The following APC variants were observed in gnomAD, a reference collection of about 807,000 sequenced individuals.
APC encodes adenomatous polyposis coli protein.
APC carries 72 observed loss-of-function variants against 247.0 expected under a neutral mutation model. That is an observed-to-expected ratio of 0.29 (90% CI 0.24 to 0.35). The LOEUF is 0.35. Among genes scored for constraint, APC ranks in the 10% least tolerant of loss-of-function variants. APC has a pLI of 1.00. For missense variants in APC, 3,400 were observed against 3,360.7 expected (o/e 1.01, Z -0.29); for synonymous variants, 1,254 against 1,162.5 (o/e 1.08, Z -1.60).
chr5:112,752,644 G>A (rs940977745), intron 1 of APC, among the ~76,000 whole-genome samples: 2 of 152,086 alleles, frequency 1.3e-5, no homozygotes, highest in Admixed American at 1.3e-4. Context: ...AGATATATTT[G>A]GTATGCAATT....
chr5:112,834,884 A>G, intron 14 of APC, 67 bp from the exon 15 acceptor site: 1 of 1,364,884 alleles, frequency 7.3e-7, no homozygotes, highest in Non-Finnish European at 1.0e-6. Context: ...CAATATCAGT[A>G]ACATAGAAGT....
chr5:112,830,087 G>A (rs1399734136), intron 14 of APC: 4 of 152,100 alleles, frequency 2.6e-5, no homozygotes, highest in South Asian at 2.1e-4. Flanking sequence ...GAAGGCAAAA[G>A]GTTTGTTTTT....
chr5:112,720,157 A>G (rs945616771), intron 1 of APC, among the ~76,000 whole-genome samples: 56 of 152,220 alleles, frequency 3.7e-4, no homozygotes, highest in African/African-American at 1.3e-3. Context: ...TTTTTCCTGT[A>G]TAGATACTTG....
Position 112,785,654 on chromosome 5 carries a change from A to C in APC, c.645+4751A>C, listed in dbSNP as rs375253995. The stretch of plus-strand genomic sequence containing the variant: ...AATAGCACAGGAATAAATTTAGGCA[A>C]ATGATAGAGACTAGAAAGAGGTACA... On this transcript the variant is annotated intron_variant, in intron 6 of 15. Coordinates refer to ENST00000257430, the MANE Select transcript of APC (RefSeq NM_000038.6). 2.1e-3 allele frequency among the ~76,000 whole-genome samples: 327 copies of C among 152,330 alleles called. 1 individual carries two copies. The highest frequency in any genetic ancestry group is 3.9e-3 in the Non-Finnish European group (264 of 68,010).
rs1766919645 is a variant in APC at position 112,845,647 on chromosome 5, G to A, written c.*1521G>A. Reference sequence around the variant, plus strand: ...GCCTGTTAAGGAAACTTTATTTGTGGTAGGTACAGTTCTGGGGTACATGTT... The same window carrying A: ...GCCTGTTAAGGAAACTTTATTTGTGATAGGTACAGTTCTGGGGTACATGTT... On this transcript the variant is annotated 3_prime_UTR_variant, in exon 16 of 16. Transcript: ENST00000257430. The A allele has an allele frequency of 8.6e-6, 2 of 231,940 alleles. No individual in the cohort carries two copies. The highest frequency in any genetic ancestry group is 3.6e-4 in the South Asian group (2 of 5,516). The allele number at this position is 231,940 out of a possible 1,614,324, so 14.4% of individuals were successfully genotyped here.
chr5:112,789,085 A>G (rs1380396028), intron 6 of APC, among the ~76,000 whole-genome samples: 3 of 152,176 alleles, frequency 2.0e-5, no homozygotes, highest in Non-Finnish European at 4.4e-5. Flanking sequence ...CTTCTATTCT[A>G]ATTTGTGGAG....
chr5:112,730,066 A>G (rs1561411769), intron 1 of APC, among the ~76,000 whole-genome samples: 1 of 152,242 alleles, frequency 6.6e-6, no homozygotes, highest in Non-Finnish European at 1.5e-5. Context: ...TCCTGCATTT[A>G]AAGAAATTTT....
chr5:112,810,026 C>T, intron 8 of APC: 1 of 377,074 alleles, frequency 2.7e-6, no homozygotes, highest in South Asian at 2.0e-5. Flanking sequence ...GCAATTTTAG[C>T]TAACTGTAAA....
rs1554086747 is a variant in APC at position 112,841,068 on chromosome 5, A to G, written c.5474A>G (p.Asp1825Gly). 1.2e-6 allele frequency: 2 copies of G among 1,612,504 alleles called. No individual in the cohort carries two copies. The highest frequency in any genetic ancestry group is 1.1e-5 in the South Asian group (1 of 91,056). Residue 1825 changes from aspartate (D) to glycine (G), a missense_variant, in exon 16 of 16, where the codon GAT becomes GGT. Physicochemically the swap from Asp to Gly is moderately conservative, Grantham distance 94 (BLOSUM62 -1). Coordinates refer to ENST00000257430, the MANE Select transcript of APC (RefSeq NM_000038.6). This position sits in a 1 kb window ranked among gnomAD's most constrained non-coding sequence, Gnocchi z 4.6. The stretch of plus-strand genomic sequence containing the variant: ...AAAAATAATTCCAAGGTCTTCAATG[A>G]TAAGCTCCCAAATAATGAAGATAGA... ...NLKNNSKVFN[D>G]KLPNNEDRVR...
At position 112,839,476 on chromosome 5, in the gene APC, G is replaced by A; in HGVS notation, c.3882G>A (p.Gln1294=). The A allele has an allele frequency of 6.2e-7, 1 of 1,614,166 alleles. No homozygotes were observed. The highest frequency in any genetic ancestry group is 8.5e-7 in the Non-Finnish European group (1 of 1,180,016). Residue 1294 remains glutamine, a synonymous_variant, in exon 16 of 16, where the codon CAG becomes CAA. Transcript: ENST00000257430. This position sits in a 1 kb window ranked among gnomAD's most constrained non-coding sequence, Gnocchi z 5.0. The part of the protein sequence containing the change: ...EDEIGCNQTT[Q]EADSANTLQI... The stretch of plus-strand genomic sequence containing the variant: ...AAATAGGATGTAATCAGACGACACA[G>A]GAAGCAGATTCTGCTAATACCCTGC...
At position 112,724,798 on chromosome 5, in the gene APC, T is replaced by C. The variant is rs137940604; in HGVS notation, c.165+16916T>C. Among the ~76,000 whole-genome samples the C allele has an allele frequency of 2.6e-5, 4 of 152,138 alleles. No homozygotes were observed. The East Asian group carries it at 7.7e-4, about 29-fold the overall frequency. On this transcript the variant is annotated intron_variant, in intron 1 of 13. Transcript: ENST00000507379. Reference sequence around the variant, plus strand: ...CACAGAATTCCAAATGGTTGGAGTGTAGCTAGAGTAGGTGAGTGGCGGTGG... The same window carrying C: ...CACAGAATTCCAAATGGTTGGAGTGCAGCTAGAGTAGGTGAGTGGCGGTGG...
intron 1 of APC, among the ~76,000 whole-genome samples, chr5:112,741,002 G>C (rs1752949683): frequency 6.6e-6 from 1 of 151,802 alleles, no homozygotes; most frequent in African/African-American, 2.4e-5. Context: ...CCCTTTTCTT[G>C]TATTAGAATC....
chr5:112,844,777 C>A lies in APC; in HGVS notation c.*651C>A, dbSNP rs1355838493. The A allele has an allele frequency of 4.3e-6, 1 of 231,910 alleles. No homozygotes were observed. The highest frequency in any genetic ancestry group is 8.5e-6 in the Non-Finnish European group (1 of 117,082). The allele number at this position is 231,910 out of a possible 1,614,324, so 14.4% of individuals were successfully genotyped here. The stretch of plus-strand genomic sequence containing the variant: ...TTTGTGCTCCAAACAAAACAAAAAT[C>A]TGTGTAACTGTAAAACATTGAATGA... On this transcript the variant is annotated 3_prime_UTR_variant, in exon 16 of 16. Coordinates refer to ENST00000257430, the MANE Select transcript of APC (RefSeq NM_000038.6).
At chr5:112,786,184 G>A (rs1457131267) in intron 6 of APC, among the ~76,000 whole-genome samples, 1 of 152,090 alleles carries the variant, frequency 6.6e-6, no homozygotes, top group East Asian at 1.9e-4. Flanking sequence ...AGCCTCAAAC[G>A]GCTCTAGCAA....
chr5:112,808,365 CTG>C (rs1761635967), intron 8 of APC, among the ~76,000 whole-genome samples: 1 of 152,160 alleles, frequency 6.6e-6, no homozygotes, highest in South Asian at 2.1e-4. Flanking sequence ...CTGTTCTAAT[CTG>C]TATGTTCCTT....
intron 1 of APC, among the ~76,000 whole-genome samples, chr5:112,718,866 T>C (rs1225835426): frequency 6.6e-6 from 1 of 152,230 alleles, no homozygotes; most frequent in African/African-American, 2.4e-5. Flanking sequence ...GCCATTCCTT[T>C]GTGTTAGGGC....
At chr5:112,835,757 A>G (rs1476991295) in intron 15 of APC, among the ~76,000 whole-genome samples, 1 of 151,652 alleles carries the variant, frequency 6.6e-6, no homozygotes, top group Non-Finnish European at 1.5e-5. Context: ...ATTTTTTGGT[A>G]GAGATGGGGT....
intron 2 of APC, among the ~76,000 whole-genome samples, chr5:112,764,040 A>G (rs1050397964): frequency 6.6e-5 from 10 of 150,680 alleles, no homozygotes; most frequent in African/African-American, 2.4e-4. Context: ...GATCGAGACC[A>G]TCCTGGCTAA....
chr5:112,784,686 G>A (rs1404952668), intron 6 of APC, among the ~76,000 whole-genome samples: 1 of 152,062 alleles, frequency 6.6e-6, no homozygotes, highest in African/African-American at 2.4e-5. Flanking sequence ...CCTGGAAGAG[G>A]AGATCTCAGG....
Sources: gnomAD v4.1 joint callset for allele counts (sites outside exome capture counted in the v4.1 genomes callset) on GRCh38, gnomAD v4.1.1 for gene constraint, Gnocchi (gnomAD v3.1) non-coding constraint, MANE v1.5 for transcripts, NCBI Gene and HGNC (gene_info 2026-07-23, HGNC 2026-07-21) for gene names.